TRABD2B: variants seen among roughly 807,000 people sequenced by gnomAD.
TRABD2B encodes TraB domain containing 2B.
Under a neutral mutation model 40.1 loss-of-function variants are expected in TRABD2B, and 14 were observed. That is an observed-to-expected ratio of 0.35 (90% CI 0.23 to 0.55). The LOEUF (loss-of-function observed/expected upper bound fraction) is 0.55. TRABD2B is among the 20% of genes least tolerant of loss of function. TRABD2B has a pLI of 0.90. For synonymous variants in TRABD2B, 263 were observed against 277.0 expected (o/e 0.95, Z 0.50); for missense variants, 541 against 648.6 (o/e 0.83, Z 1.80).
At chr1:47,945,120 T>C (rs967903869) in intron 2 of TRABD2B, among the ~76,000 whole-genome samples, 2 of 152,110 alleles carry the variant, frequency 1.3e-5, no homozygotes. Context: ...GCCCAGGCAA[T>C]GGGGAGCTCT....
At chr1:47,866,334 A>C (rs547571869) in intron 2 of TRABD2B, among the ~76,000 whole-genome samples, 1 of 152,272 alleles carries the variant, frequency 6.6e-6, no homozygotes, top group African/African-American at 2.4e-5. Context: ...AGCAAAAAGC[A>C]AATTTCTGTA....
chr1:47,880,166 T>C (rs184152303), intron 2 of TRABD2B, among the ~76,000 whole-genome samples: 1 of 152,218 alleles, frequency 6.6e-6, no homozygotes, highest in Admixed American at 6.5e-5. Context: ...AAAATTATTG[T>C]ATATTTGGGG....
chr1:47,977,505 A>G (rs1645773672), intron 2 of TRABD2B, among the ~76,000 whole-genome samples: 1 of 152,150 alleles, frequency 6.6e-6, no homozygotes, highest in African/African-American at 2.4e-5. Flanking sequence ...CATTTACCCG[A>G]GCAATCATCC....
intron 2 of TRABD2B, among the ~76,000 whole-genome samples, chr1:47,952,048 T>C (rs1046328495): frequency 1.3e-5 from 2 of 152,198 alleles, no homozygotes; most frequent in African/African-American, 2.4e-5. Flanking sequence ...GCGACTTCTA[T>C]TGCAGAAGCC....
chr1:47,819,014 T>C (rs1206489983), intron 2 of TRABD2B: 2 of 152,276 alleles, frequency 1.3e-5, no homozygotes, highest in South Asian at 4.1e-4. Flanking sequence ...TAAAAATGTA[T>C]GATTATTGTC....
intron 2 of TRABD2B, among the ~76,000 whole-genome samples, chr1:47,805,398 G>GCCCCA (rs1159569581): frequency 6.6e-6 from 1 of 152,104 alleles, no homozygotes; most frequent in African/African-American, 2.4e-5. Context: ...ATGTGTCACA[G>GCCCCA]CAGGAGTGTG....
chr1:47,893,088 G>A (rs539660867), intron 2 of TRABD2B, among the ~76,000 whole-genome samples: 4 of 152,280 alleles, frequency 2.6e-5, no homozygotes, highest in South Asian at 2.1e-4. Flanking sequence ...ATGTCCAGAC[G>A]CAGTGTCATC....
chr1:47,801,574 G>T lies in TRABD2B; in HGVS notation c.712C>A (p.Arg238=), dbSNP rs543217834. The T allele has an allele frequency of 6.5e-7, 1 of 1,535,974 alleles. No homozygotes were observed. Among genetic ancestry groups the T allele is most frequent in the African/African-American group, 1.4e-5 (1 of 73,136 alleles). Residue 238 remains arginine, a synonymous_variant, in exon 3 of 7, where the codon CGG becomes AGG. Coordinates refer to ENST00000606738, the MANE Select transcript of TRABD2B (RefSeq NM_001194986.2). ...NQTLLQQESV[R]AGSLQASYTT... ...TAGGAGGCCTGCAGGCTCCCGGCCC[G>T]CACACTCTCCTGCTGCAGCAGGGTT...
intron 2 of TRABD2B, among the ~76,000 whole-genome samples, chr1:47,986,051 A>T (rs138576826): frequency 6.6e-6 from 1 of 152,360 alleles, no homozygotes. Flanking sequence ...CAAGCAAAGA[A>T]TAAAAAGCAT....
At position 47,886,041 on chromosome 1, in the gene TRABD2B, A is replaced by C. The variant is rs115728742; in HGVS notation, c.667-84422T>G. Among the ~76,000 whole-genome samples, 675 of 152,300 alleles carry C rather than the reference A, an allele frequency of 4.4e-3. 4 individuals carry two copies. Among genetic ancestry groups the C allele is most frequent in the African/African-American group, 0.016 (647 of 41,552 alleles). On this transcript the variant is annotated intron_variant, in intron 2 of 6. Coordinates refer to ENST00000606738, the MANE Select transcript of TRABD2B (RefSeq NM_001194986.2). ...TGTAGCTATTGGATAAGAATATAGG[A>C]AGTGAGATAGAGAAACTGCGAAGTT...
chr1:47,850,625 CCCAGTG>C (rs1052727103), intron 2 of TRABD2B, among the ~76,000 whole-genome samples: 1 of 152,192 alleles, frequency 6.6e-6, no homozygotes, highest in Non-Finnish European at 1.5e-5. Context: ...ATCTTGGTGC[CCCAGTG>C]CCTGACTTGG....
intron 6 of TRABD2B, among the ~76,000 whole-genome samples, chr1:47,772,090 G>A (rs1569881317): frequency 1.3e-5 from 2 of 152,020 alleles, no homozygotes; most frequent in African/African-American, 4.8e-5. Flanking sequence ...GCCAGGGAGA[G>A]GGGGAAGGGC....
At chr1:47,885,897 T>C (rs1004997922) in intron 2 of TRABD2B, among the ~76,000 whole-genome samples, 5 of 152,222 alleles carry the variant, frequency 3.3e-5, no homozygotes, top group African/African-American at 1.2e-4. Flanking sequence ...CGTTACCAAA[T>C]GCTGGTTGTA....
chr1:47,864,348 C>T (rs761338927), intron 2 of TRABD2B, among the ~76,000 whole-genome samples: 7 of 151,962 alleles, frequency 4.6e-5, no homozygotes, highest in Non-Finnish European at 1.0e-4. Context: ...TCAGTTGTAA[C>T]AAATGAACCA....
chr1:47,967,294 A>G (rs1012903764), intron 2 of TRABD2B, among the ~76,000 whole-genome samples: 1 of 151,056 alleles, frequency 6.6e-6, no homozygotes, highest in Non-Finnish European at 1.5e-5. Context: ...TGAGTTATCC[A>G]CCCCTCACTA....
chr1:47,831,258 G>T (rs1284346729), intron 2 of TRABD2B, among the ~76,000 whole-genome samples: 2 of 152,068 alleles, frequency 1.3e-5, no homozygotes, highest in Non-Finnish European at 2.9e-5. Context: ...GCCTCGGTGG[G>T]AGAGCAGAAT....
chr1:47,933,960 T>C (rs746030217), intron 2 of TRABD2B, among the ~76,000 whole-genome samples: 3 of 152,198 alleles, frequency 2.0e-5, no homozygotes, highest in African/African-American at 4.8e-5. Flanking sequence ...TTTAATTTAA[T>C]TTAGTTTAGG....
chr1:47,893,528 C>A (rs1644478122), intron 2 of TRABD2B, among the ~76,000 whole-genome samples: 1 of 152,210 alleles, frequency 6.6e-6, no homozygotes, highest in Non-Finnish European at 1.5e-5. Context: ...GCCCTTAGCC[C>A]AGGCTGGTGT....
intron 2 of TRABD2B, among the ~76,000 whole-genome samples, chr1:47,963,938 A>C (rs1344863732): frequency 6.6e-6 from 1 of 152,244 alleles, no homozygotes; most frequent in Non-Finnish European, 1.5e-5. Context: ...GGCCAGGCCC[A>C]AAGGCCAGAC....
Sources: gnomAD v4.1 joint callset for allele counts (sites outside exome capture counted in the v4.1 genomes callset) on GRCh38, gnomAD v4.1.1 for gene constraint, MANE v1.5 for transcripts, NCBI Gene and HGNC (gene_info 2026-07-23, HGNC 2026-07-21) for gene names.